Variants in SCMH1 observed in about 807,000 individuals in gnomAD.
SCMH1 encodes the protein Scm polycomb group protein homolog 1.
In SCMH1, 37 loss-of-function variants were observed where a neutral mutation model predicts 70.8. The observed-to-expected ratio is 0.52, with a 90% confidence interval of 0.40 to 0.69. SCMH1 has a LOEUF of 0.69. SCMH1 is among the 30% of genes least tolerant of loss of function. The probability of loss-of-function intolerance (pLI) is 0.00; values close to 1 mark genes in which losing one functional copy is unlikely to be tolerated. For synonymous variants in SCMH1, 292 were observed against 307.4 expected (o/e 0.95, Z 0.52); for missense variants, 607 against 827.3 (o/e 0.73, Z 3.27).
At chr1:41,221,333 T>C (rs746183446) in intron 1 of SCMH1, among the ~76,000 whole-genome samples, 19 of 152,084 alleles carry the variant, frequency 1.2e-4, no homozygotes, top group Non-Finnish European at 2.5e-4. Flanking sequence ...ATGGTGGTGA[T>C]GGTTGCATAA....
rs762092195 is a variant in SCMH1 at position 41,028,289 on chromosome 1, G to A, written c.1852C>T (p.Arg618Cys). ...ATGTACTTCATCATCATGTCACTGC[G>A]CAGCAGCAGCAGGGCCTTGCCATCG... The change falls in exon 15 of 15, where the codon CGC becomes TGC. Residue 618 changes from arginine (R) to cysteine (C), a missense_variant. Arg to Cys is a radical substitution (Grantham distance 180, BLOSUM62 -3). This residue lies in a region of SCMH1 where 430 missense variants were observed against 528.2 expected (regional missense o/e 0.81). Transcript: ENST00000337495. The A allele has an allele frequency of 2.1e-5, 34 of 1,612,566 alleles. No individual in the cohort carries two copies. The South Asian group carries it at 3.0e-4, about 14-fold the overall frequency.
chr1:41,102,834 ATGG>A (rs1666955971), intron 8 of SCMH1, among the ~76,000 whole-genome samples: 1 of 152,158 alleles, frequency 6.6e-6, no homozygotes, highest in South Asian at 2.1e-4. Context: ...ATGAAAGCAC[ATGG>A]TGAGAAAGCA....
At chr1:41,070,274 C>G (rs145584283) in intron 10 of SCMH1, among the ~76,000 whole-genome samples, 1 of 151,778 alleles carries the variant, frequency 6.6e-6, no homozygotes, top group African/African-American at 2.4e-5. Flanking sequence ...GGCACCATTA[C>G]TGAAATGCTG....
chr1:41,037,442 G>A (rs747927763), exon 13 of SCMH1: 1 of 1,614,256 alleles, frequency 6.2e-7, no homozygotes, highest in Non-Finnish European at 8.5e-7. Context: ...GTGCCTTTGG[G>A]AGGTGCTGAC....
chr1:41,184,385 C>A (rs1360859661), intron 2 of SCMH1, among the ~76,000 whole-genome samples: 1 of 152,058 alleles, frequency 6.6e-6, no homozygotes, highest in Non-Finnish European at 1.5e-5. Context: ...ATGTAATAGT[C>A]CACAAAGGGA....
chr1:41,212,426 A>G lies in SCMH1; in HGVS notation c.-117-26176T>C, dbSNP rs529737456. 2.6e-5 allele frequency among the ~76,000 whole-genome samples: 4 copies of G among 152,362 alleles called. 1 individual carries two copies. In the South Asian group the frequency reaches 8.3e-4, roughly 32 times the overall value. On this transcript the variant is annotated intron_variant, in intron 1 of 14. Coordinates refer to ENST00000337495, the Ensembl canonical transcript of SCMH1. ...TAAAAAGACATGTTCTATCTAATTA[A>G]AACTCATTTAAAAGATATGCATTGT...
intron 10 of SCMH1, among the ~76,000 whole-genome samples, chr1:41,058,903 T>C (rs935241785): frequency 2.0e-5 from 3 of 152,218 alleles, no homozygotes; most frequent in African/African-American, 7.2e-5. Flanking sequence ...TGAGAAGATA[T>C]GATATTGACA....
Position 41,128,235 on chromosome 1 carries a change from TTTA to T in SCMH1, c.413-11228_413-11226del, listed in dbSNP as rs1673708904. Reference sequence around the variant, plus strand: ...GAATTATTATATGTACACTACAAATTTTATTATATTTACCTACAAATTTTCCTC... The same window carrying T: ...GAATTATTATATGTACACTACAAATTTTATATTTACCTACAAATTTTCCTC... On this transcript the variant is annotated intron_variant, in intron 6 of 14. Transcript: ENST00000337495. Among the ~76,000 whole-genome samples, 2 of 152,182 alleles carry T rather than the reference TTTA, an allele frequency of 1.3e-5. 1 individual carries two copies. Among genetic ancestry groups the T allele is most frequent in the South Asian group, 4.1e-4 (2 of 4,830 alleles).
chr1:41,037,282 C>T (rs1451250191), intron 13 of SCMH1, 80 bp downstream of exon 13: 1 of 1,448,844 alleles, frequency 6.9e-7, no homozygotes, highest in Admixed American at 1.9e-5. Flanking sequence ...GCTAGGTCCT[C>T]TCTGGCCTCC....
In SCMH1 at chr1:41,176,117, A is replaced by G. The variant is rs1243460872; in HGVS notation, c.13+10004T>C. 2.0e-5 allele frequency among the ~76,000 whole-genome samples: 3 copies of G among 150,906 alleles called. 1 individual carries two copies. Among genetic ancestry groups the G allele is most frequent in the East Asian group, 1.9e-4 (1 of 5,146 alleles). On this transcript the variant is annotated intron_variant, in intron 2 of 14. Transcript: ENST00000337495. Reference sequence around the variant, plus strand: ...GTAAAACAATATTCAAAAGCAACCAATGCAATTTAGAAAAATTAGTCTAGC... The same window carrying G: ...GTAAAACAATATTCAAAAGCAACCAGTGCAATTTAGAAAAATTAGTCTAGC...
chr1:41,223,007 T>C (rs1203021419), intron 1 of SCMH1, among the ~76,000 whole-genome samples: 1 of 152,212 alleles, frequency 6.6e-6, no homozygotes, highest in African/African-American at 2.4e-5. Flanking sequence ...TACTAGATTA[T>C]GAGCCTTGTG....
chr1:41,120,562 A>G (rs938849879), intron 6 of SCMH1, among the ~76,000 whole-genome samples: 1 of 152,188 alleles, frequency 6.6e-6, no homozygotes, highest in Non-Finnish European at 1.5e-5. Flanking sequence ...CAAAGCAGAA[A>G]TATTTTGAAC....
At chr1:41,067,401 G>A (rs185041806) in intron 10 of SCMH1, among the ~76,000 whole-genome samples, 210 of 142,384 alleles carry the variant, frequency 1.5e-3, no homozygotes, top group Admixed American at 4.4e-3. Context: ...CTGAGATCGC[G>A]CCACTGCACT....
At chr1:41,096,437 T>C (rs1665088684) in intron 8 of SCMH1, among the ~76,000 whole-genome samples, 1 of 152,224 alleles carries the variant, frequency 6.6e-6, no homozygotes, top group Admixed American at 6.5e-5. Context: ...AGTACTTACC[T>C]ACAGATTATT....
chr1:41,173,306 T>C (rs1189951711), intron 2 of SCMH1, among the ~76,000 whole-genome samples: 1 of 151,948 alleles, frequency 6.6e-6, no homozygotes. Flanking sequence ...ATAAACAAAA[T>C]GAGCTGAATA....
At chr1:41,177,643 T>C (rs1056503748) in intron 2 of SCMH1, among the ~76,000 whole-genome samples, 3 of 152,034 alleles carry the variant, frequency 2.0e-5, no homozygotes, top group African/African-American at 4.8e-5. Context: ...GTACCAGTGA[T>C]GGAAGATCAA....
At chr1:41,161,222 C>A in intron 3 of SCMH1, 142 bp downstream of exon 3, 1 of 1,324,770 alleles carries the variant, frequency 7.5e-7, no homozygotes, top group South Asian at 1.4e-5. Flanking sequence ...TGCTTATGAC[C>A]AATACCTCTG....
chr1:41,142,829 C>T (rs192367742), intron 6 of SCMH1, 49 bp downstream of exon 6: 175 of 1,489,976 alleles, frequency 1.2e-4, no homozygotes, highest in Admixed American at 3.5e-4. Flanking sequence ...AGTTTTTGGA[C>T]GCTAACTATT....
chr1:41,144,888 A>G (rs1055049131), intron 5 of SCMH1, among the ~76,000 whole-genome samples: 1 of 152,126 alleles, frequency 6.6e-6, no homozygotes, highest in Non-Finnish European at 1.5e-5. Flanking sequence ...TCATTTGTAT[A>G]TATTTGGAGA....
Sources: gnomAD v4.1 joint callset for allele counts (sites outside exome capture counted in the v4.1 genomes callset) on GRCh38, gnomAD v4.1.1 for gene constraint, gnomAD v4.1.1 regional missense constraint, MANE v1.5 for transcripts, NCBI Gene and HGNC (gene_info 2026-07-23, HGNC 2026-07-21) for gene names.